The following DTNBP1 variants were observed in gnomAD, a reference collection of about 807,000 sequenced individuals.
DTNBP1 encodes dysbindin.
DTNBP1 carries 35 observed loss-of-function variants against 42.8 expected under a neutral mutation model. That is an observed-to-expected ratio of 0.82 (90% CI 0.63 to 1.09). DTNBP1 has a LOEUF of 1.09. Ranked by LOEUF, DTNBP1 falls within the 50% of genes least tolerant of loss-of-function variation. The probability of loss-of-function intolerance (pLI) is 0.00; values close to 1 mark genes in which losing one functional copy is unlikely to be tolerated. For synonymous variants in DTNBP1, 171 were observed against 162.2 expected (o/e 1.05, Z -0.41); for missense variants, 457 against 424.2 (o/e 1.08, Z -0.68).
intron 1 of DTNBP1, among the ~76,000 whole-genome samples, chr6:15,659,356 G>A (rs564953975): frequency 6.6e-6 from 1 of 152,304 alleles, no homozygotes; most frequent in African/African-American, 2.4e-5. Context: ...AGAAATGCCT[G>A]AGGCCTTCCA....
intron 1 of DTNBP1, 87 bp from the exon 2 acceptor site, chr6:15,652,227 G>A: frequency 2.7e-6 from 3 of 1,104,346 alleles, no homozygotes; most frequent in South Asian, 2.9e-5. Flanking sequence ...TGTCGTCCAG[G>A]CTGGAGTGCA....
intron 8 of DTNBP1, among the ~76,000 whole-genome samples, chr6:15,526,458 T>C (rs1231200870): frequency 6.6e-6 from 1 of 152,190 alleles, no homozygotes; most frequent in Non-Finnish European, 1.5e-5. Flanking sequence ...ATCACTAAAG[T>C]TCAGCACTTG....
intron 7 of DTNBP1, among the ~76,000 whole-genome samples, chr6:15,578,136 T>G (rs970253452): frequency 6.6e-6 from 1 of 152,118 alleles, no homozygotes; most frequent in African/African-American, 2.4e-5. Flanking sequence ...GCGCCTACAC[T>G]GAGGGGCTTG....
intron 6 of DTNBP1, among the ~76,000 whole-genome samples, chr6:15,599,918 T>C (rs1329721060): frequency 6.6e-6 from 1 of 152,228 alleles, no homozygotes; most frequent in African/African-American, 2.4e-5. Context: ...AGAGCCATCC[T>C]ACCATTAATT....
intron 6 of DTNBP1, among the ~76,000 whole-genome samples, chr6:15,597,179 G>A (rs1166522908): frequency 6.6e-6 from 1 of 152,124 alleles, no homozygotes; most frequent in Non-Finnish European, 1.5e-5. Context: ...GAGAGACAGA[G>A]AAATAAAGCA....
chr6:15,603,244 G>A (rs1230728830), intron 6 of DTNBP1, among the ~76,000 whole-genome samples: 1 of 152,168 alleles, frequency 6.6e-6, no homozygotes, highest in Non-Finnish European at 1.5e-5. Context: ...TTTTCAAGAG[G>A]TCATTGGCCT....
At chr6:15,651,507 T>C (rs1002300606) in intron 2 of DTNBP1, 144 bp from the exon 3 acceptor site, 8 of 1,192,026 alleles carry the variant, frequency 6.7e-6, no homozygotes, top group Non-Finnish European at 9.6e-6. Flanking sequence ...TAGAGAAATG[T>C]GTTTTATTTC....
intron 1 of DTNBP1, among the ~76,000 whole-genome samples, chr6:15,662,550 C>T (rs773817763): frequency 3.8e-4 from 58 of 152,346 alleles, no homozygotes; most frequent in African/African-American, 1.3e-3. Flanking sequence ...TCCCACACCC[C>T]CCCCGGGCGC....
rs567245808 is a variant in DTNBP1, at chr6:15,569,553, C to T, written c.511+23506G>A. Reference sequence around the variant, plus strand: ...CCTCCCATCTCCTCTTTCAGCTGCTCTATAATTACTAAACTCCTTCTCCAC... The same window carrying T: ...CCTCCCATCTCCTCTTTCAGCTGCTTTATAATTACTAAACTCCTTCTCCAC... On this transcript the variant is annotated intron_variant, in intron 7 of 9. Transcript: ENST00000344537. Among the ~76,000 whole-genome samples, 899 of 152,246 alleles carry T rather than the reference C, an allele frequency of 5.9e-3. 11 individuals are homozygous for T. The highest frequency in any genetic ancestry group is 0.021 in the African/African-American group (852 of 41,524).
chr6:15,656,011 T>C (rs1338847993), intron 1 of DTNBP1, among the ~76,000 whole-genome samples: 1 of 152,220 alleles, frequency 6.6e-6, no homozygotes, highest in East Asian at 1.9e-4. Flanking sequence ...AAATGTAAAA[T>C]GGTAGTATTA....
intron 1 of DTNBP1, chr6:15,660,495 T>A (rs1365853041): frequency 7.8e-7 from 1 of 1,289,638 alleles, no homozygotes; most frequent in African/African-American, 1.5e-5. Context: ...ACACTGACAG[T>A]CCAGTGGTTT....
intron 1 of DTNBP1, 61 bp downstream of exon 1, chr6:15,662,753 G>C: frequency 6.2e-7 from 1 of 1,603,098 alleles, no homozygotes; most frequent in Non-Finnish European, 8.5e-7. Context: ...GCGAGGCAGG[G>C]GCATCCCAGG....
chr6:15,628,398 C>CTTTTTTTTTTTT, intron 4 of DTNBP1, among the ~76,000 whole-genome samples: 1 of 77,060 alleles, frequency 1.3e-5, no homozygotes, highest in Non-Finnish European at 2.4e-5. Flanking sequence ...GATTAAGGTT[C>CTTTTTTTTTTTT]TTTTTTTTTT....
chr6:15,527,814 G>T lies in DTNBP1; in HGVS notation c.668-3145C>A, dbSNP rs74810439. 1.3e-3 allele frequency among the ~76,000 whole-genome samples: 199 copies of T among 152,242 alleles called. 5 individuals are homozygous for T. The East Asian group carries it at 0.035, about 27-fold the overall frequency. On this transcript the variant is annotated intron_variant, in intron 8 of 9. Transcript: ENST00000344537. ...AAGCCTAACCAGGAACACAGCTAAG[G>T]GGGAGACGCACACCATGGACAACGT... is the stretch of plus-strand genomic sequence containing the variant.
chr6:15,576,131 T>TA, intron 7 of DTNBP1, among the ~76,000 whole-genome samples: 1 of 151,982 alleles, frequency 6.6e-6, no homozygotes, highest in East Asian at 1.9e-4. Context: ...TTTTCCTTTT[T>TA]TTTTTGAGAC....
chr6:15,559,085 A>G (rs1041122395), intron 7 of DTNBP1, among the ~76,000 whole-genome samples: 3 of 152,234 alleles, frequency 2.0e-5, no homozygotes, highest in African/African-American at 7.2e-5. Context: ...CAACATCCAC[A>G]ATGCATTTGG....
At chr6:15,638,684 ACAT>A (rs1165218851) in intron 3 of DTNBP1, among the ~76,000 whole-genome samples, 1 of 152,214 alleles carries the variant, frequency 6.6e-6, no homozygotes, top group Non-Finnish European at 1.5e-5. Context: ...GTAATGAGAC[ACAT>A]CAACATTATG....
chr6:15,524,486 T>TA lies in DTNBP1; in HGVS notation c.811+39dup, dbSNP rs1385270955. 17 of 1,612,134 alleles carry TA rather than the reference T, an allele frequency of 1.1e-5. 1 individual carries two copies. The South Asian group carries it at 1.9e-4, about 18-fold the overall frequency. On this transcript the variant is annotated intron_variant, in intron 9 of 9. Transcript: ENST00000344537. ...CACCTTTGGAGGGGAGTGGCATCGA[T>TA]ACTGCCCTGGTTCAGCTAATGCAAG... is the stretch of plus-strand genomic sequence containing the variant.
At chr6:15,632,060 G>GTAC (rs1759726352) in intron 4 of DTNBP1, among the ~76,000 whole-genome samples, 1 of 152,064 alleles carries the variant, frequency 6.6e-6, no homozygotes, top group African/African-American at 2.4e-5. Flanking sequence ...ATTTTACTGT[G>GTAC]TACTGGCCAT....
Sources: gnomAD v4.1 joint callset for allele counts (sites outside exome capture counted in the v4.1 genomes callset) on GRCh38, gnomAD v4.1.1 for gene constraint, MANE v1.5 for transcripts, NCBI Gene and HGNC (gene_info 2026-07-23, HGNC 2026-07-21) for gene names.